Variants in PRDM16 observed in about 807,000 individuals in gnomAD.
PRDM16 encodes the protein histone-lysine N-methyltransferase PRDM16.
PRDM16 carries 23 observed loss-of-function variants against 110.6 expected under a neutral mutation model. That is an observed-to-expected ratio of 0.21 (90% CI 0.15 to 0.29). The LOEUF (loss-of-function observed/expected upper bound fraction) is 0.29. Among genes scored for constraint, PRDM16 ranks in the 10% least tolerant of loss-of-function variants. The probability of loss-of-function intolerance (pLI) is 1.00; values close to 1 mark genes in which losing one functional copy is unlikely to be tolerated. For synonymous variants in PRDM16, 799 were observed against 781.8 expected (o/e 1.02, Z -0.37); for missense variants, 1,615 against 1,794.3 (o/e 0.90, Z 1.81).
At chr1:3,183,663 G>C (rs1235927221) in intron 1 of PRDM16, among the ~76,000 whole-genome samples, 1 of 152,228 alleles carries the variant, frequency 6.6e-6, no homozygotes, top group African/African-American at 2.4e-5. Flanking sequence ...TAAGCTGTTT[G>C]CTTGGCCAGT....
At chr1:3,348,449 C>G (rs959888621) in intron 3 of PRDM16, among the ~76,000 whole-genome samples, 1 of 152,188 alleles carries the variant, frequency 6.6e-6, no homozygotes, top group Non-Finnish European at 1.5e-5. Context: ...CCAAAATCCG[C>G]GGGCCAAGGA....
At position 3,434,003 on chromosome 1, in the gene PRDM16, TCAC is replaced by T. The variant is rs2100708737; in HGVS notation, c.*195_*197del. The T allele has an allele frequency of 9.9e-6, 6 of 603,628 alleles. No individual in the cohort carries two copies. Among genetic ancestry groups the T allele is most frequent in the Middle Eastern group, 4.5e-4 (1 of 2,228 alleles). The allele number at this position is 603,628 out of a possible 1,614,324, so 37.4% of individuals were successfully genotyped here. On this transcript the variant is annotated 3_prime_UTR_variant, in exon 17 of 17. Transcript: ENST00000270722. ...AAGTCCCTAAAGCAGTCGTAGAGTC[TCAC>T]CATCTCCAAGGATTGGTCTTGAGAA... is the stretch of plus-strand genomic sequence containing the variant.
chr1:3,270,504 A>C (rs1005646788), intron 3 of PRDM16, among the ~76,000 whole-genome samples: 2 of 151,636 alleles, frequency 1.3e-5, no homozygotes, highest in African/African-American at 4.9e-5. Flanking sequence ...AGAGGAGGAC[A>C]GTCCCGGGGG....
intron 14 of PRDM16, among the ~76,000 whole-genome samples, chr1:3,427,113 GAC>G (rs1638631871): frequency 6.6e-6 from 1 of 152,364 alleles, no homozygotes; most frequent in East Asian, 1.9e-4. Context: ...CGTGCGTCTA[GAC>G]ACACAGCAGC....
At chr1:3,317,167 C>G (rs1641627873) in intron 3 of PRDM16, among the ~76,000 whole-genome samples, 1 of 152,194 alleles carries the variant, frequency 6.6e-6, no homozygotes, top group Non-Finnish European at 1.5e-5. Flanking sequence ...TGTGGTTGGA[C>G]AGTGTGACCA....
At chr1:3,174,133 C>T (rs1214076833) in intron 1 of PRDM16, among the ~76,000 whole-genome samples, 1 of 152,160 alleles carries the variant, frequency 6.6e-6, no homozygotes, top group Non-Finnish European at 1.5e-5. Flanking sequence ...GGGGAAGAGT[C>T]CCCGCTCACC....
rs548973568 is a variant in PRDM16, at chr1:3,337,003, G to T, written c.439-48149G>T. ...GGTGTGAATCTGTGTGTGCATGCAT[G>T]CATGCACATGTGTGTTGGAGTGAGT... is the stretch of plus-strand genomic sequence containing the variant. On this transcript the variant is annotated intron_variant, in intron 3 of 16. Coordinates refer to ENST00000270722, the MANE Select transcript of PRDM16 (RefSeq NM_022114.4). Among the ~76,000 whole-genome samples, 8 of 151,802 alleles carry T rather than the reference G, an allele frequency of 5.3e-5. No individual in the cohort carries two copies. In the South Asian group the frequency reaches 6.3e-4, roughly 12 times the overall value.
At chr1:3,095,990 G>C (rs1277746649) in intron 1 of PRDM16, among the ~76,000 whole-genome samples, 2 of 152,034 alleles carry the variant, frequency 1.3e-5, no homozygotes, top group African/African-American at 2.4e-5. Flanking sequence ...TCCTCCAAAC[G>C]GCTCAGTGGG....
At chr1:3,184,742 C>T (rs1644248959) in intron 1 of PRDM16, among the ~76,000 whole-genome samples, 3 of 152,318 alleles carry the variant, frequency 2.0e-5, no homozygotes, top group Non-Finnish European at 1.5e-5. Context: ...CCGAGATCTC[C>T]CATCTGCTTC....
intron 3 of PRDM16, among the ~76,000 whole-genome samples, chr1:3,336,189 A>G (rs1642141930): frequency 6.6e-6 from 1 of 152,140 alleles, no homozygotes; most frequent in Admixed American, 6.5e-5. Flanking sequence ...GGGGACATGC[A>G]TATGTATCGG....
At chr1:3,189,384 C>T (rs1175273929) in intron 2 of PRDM16, among the ~76,000 whole-genome samples, 1 of 151,616 alleles carries the variant, frequency 6.6e-6, no homozygotes, top group Non-Finnish European at 1.5e-5. Flanking sequence ...CAGAGAAAAA[C>T]ATGGGTGCCA....
chr1:3,341,436 C>G (rs186302351), intron 3 of PRDM16, among the ~76,000 whole-genome samples: 38 of 152,272 alleles, frequency 2.5e-4, no homozygotes, highest in African/African-American at 8.7e-4. Flanking sequence ...GCTTCCTAAG[C>G]AGCTCCTGAA....
At chr1:3,155,375 C>T (rs915900147) in intron 1 of PRDM16, among the ~76,000 whole-genome samples, 3 of 152,240 alleles carry the variant, frequency 2.0e-5, no homozygotes, top group African/African-American at 7.2e-5. Flanking sequence ...GCATGGTCTC[C>T]GCGAGGACTT....
intron 1 of PRDM16, among the ~76,000 whole-genome samples, chr1:3,173,421 C>T (rs1158343270): frequency 1.3e-5 from 2 of 152,238 alleles, no homozygotes; most frequent in African/African-American, 4.8e-5. Flanking sequence ...CGGAGCATTG[C>T]ACGGATAAAT....
chr1:3,357,643 C>A (rs1642634829), intron 3 of PRDM16, among the ~76,000 whole-genome samples: 1 of 148,344 alleles, frequency 6.7e-6, no homozygotes, highest in South Asian at 2.1e-4. Context: ...TGACGCTTAA[C>A]CCACCCTCTT....
At chr1:3,091,695 A>G (rs1642280102) in intron 1 of PRDM16, among the ~76,000 whole-genome samples, 1 of 152,162 alleles carries the variant, frequency 6.6e-6, no homozygotes, top group African/African-American at 2.4e-5. Context: ...TGCTCCTTCC[A>G]TGATCACCCC....
chr1:3,181,704 GGT>G (rs1644200156), intron 1 of PRDM16, among the ~76,000 whole-genome samples: 1 of 60,958 alleles, frequency 1.6e-5, no homozygotes, highest in African/African-American at 6.5e-5. Flanking sequence ...TCTTACACAC[GGT>G]CTTACACACG....
At chr1:3,357,562 C>A (rs988841368) in intron 3 of PRDM16, among the ~76,000 whole-genome samples, 2 of 139,172 alleles carry the variant, frequency 1.4e-5, no homozygotes, top group African/African-American at 3.4e-5. Context: ...CGCCGTTCCC[C>A]CCACGGGCCC....
chr1:3,196,465 G>A (rs1282933982), intron 2 of PRDM16, among the ~76,000 whole-genome samples: 1 of 152,262 alleles, frequency 6.6e-6, no homozygotes, highest in African/African-American at 2.4e-5. Flanking sequence ...GTAGACCCAT[G>A]GGCCCTTGTG....
Sources: gnomAD v4.1 joint callset for allele counts (sites outside exome capture counted in the v4.1 genomes callset) on GRCh38, gnomAD v4.1.1 for gene constraint, MANE v1.5 for transcripts, NCBI Gene and HGNC (gene_info 2026-07-23, HGNC 2026-07-21) for gene names.